The following MED14 variants were observed in gnomAD, a reference collection of about 807,000 sequenced individuals.
The protein encoded by MED14 is mediator complex subunit 14, also known as mediator of RNA polymerase II transcription subunit 14.
MED14 carries 8 observed loss-of-function variants against 109.0 expected under a neutral mutation model. The observed-to-expected ratio is 0.07, with a 90% CI of 0.04 to 0.13. MED14 has a LOEUF of 0.13. MED14 is among the 10% of genes least tolerant of loss of function. The pLI is 1.00. For synonymous variants in MED14, 399 were observed against 408.7 expected, an observed-to-expected ratio of 0.98 and a Z score of 0.29; for missense variants, 711 against 1,142.4, an observed-to-expected ratio of 0.62 and a Z score of 5.44.
At chrX:40,710,269 G>A in intron 8 of MED14, 140 bp from the exon 9 acceptor site, 1 of 369,564 alleles carries the variant, frequency 2.7e-6, no homozygotes, top group East Asian at 4.5e-5. Flanking sequence ...GAATAATAAT[G>A]GGAAGATAGC....
intron 16 of MED14, among the ~76,000 whole-genome samples, chrX:40,685,413 T>C (rs1930258928): frequency 8.9e-6 from 1 of 112,276 alleles, no homozygotes; most frequent in African/African-American, 3.2e-5. Context: ...GAGGTTTTTA[T>C]AAAGATTGCA....
intron 7 of MED14, 49 bp downstream of exon 7, chrX:40,712,137 G>T: frequency 1.1e-6 from 1 of 947,000 alleles, no homozygotes; most frequent in Non-Finnish European, 1.5e-6. Context: ...ATGTGGGAGA[G>T]GTACCACAAA....
At chrX:40,693,203 G>GA (rs772077175) in intron 13 of MED14, among the ~76,000 whole-genome samples, 2 of 111,243 alleles carry the variant, frequency 1.8e-5, no homozygotes, top group East Asian at 2.8e-4. Flanking sequence ...CTTATAAATT[G>GA]AAAAAAACAA....
At chrX:40,720,071 A>T (rs1338461343) in intron 3 of MED14, among the ~76,000 whole-genome samples, 1 of 112,083 alleles carries the variant, frequency 8.9e-6, no homozygotes, top group East Asian at 2.8e-4. Flanking sequence ...CCTGACATAA[A>T]CACATCTGTA....
At chrX:40,676,515 G>C (rs1929914445) in intron 21 of MED14, among the ~76,000 whole-genome samples, 2 of 112,012 alleles carry the variant, frequency 1.8e-5, no homozygotes, top group Non-Finnish European at 3.8e-5. Flanking sequence ...GTAAGCTGTG[G>C]GAAAAGCCAA....
intron 18 of MED14, 90 bp downstream of exon 18, chrX:40,682,513 G>T: frequency 1.3e-6 from 1 of 763,604 alleles, no homozygotes; most frequent in Non-Finnish European, 1.8e-6. Flanking sequence ...TTTTTGCTTG[G>T]AACACTGTGC....
chrX:40,735,846 G>A, upstream of MED14: 1 of 311,036 alleles, frequency 3.2e-6, no homozygotes, highest in South Asian at 2.9e-5. Flanking sequence ...GCGCGTGGGA[G>A]TGAGGCGGTA....
intron 10 of MED14, among the ~76,000 whole-genome samples, chrX:40,704,506 C>T (rs928998817): frequency 8.9e-6 from 1 of 111,960 alleles, no homozygotes. Context: ...TTTTGTCAAA[C>T]AAGGAAAATA....
chrX:40,682,499 GA>G, intron 18 of MED14, 103 bp downstream of exon 18: 6 of 654,567 alleles, frequency 9.2e-6, no homozygotes, highest in Non-Finnish European at 1.3e-5. Flanking sequence ...GATATACTTT[GA>G]TTTTTTTGCT....
intron 26 of MED14, 48 bp downstream of exon 26, chrX:40,662,877 A>G (rs1425241224): frequency 2.0e-6 from 2 of 1,012,365 alleles, no homozygotes; most frequent in South Asian, 2.1e-5. Flanking sequence ...ACAATTTAGC[A>G]TTTTACCCTT....
Position 40,692,177 on chromosome X carries a change from A to C in MED14, c.1980+6T>G, listed in dbSNP as rs1477494965. ...GGGGTATCCAGAACTGTTCCAAAAAACTTACCTCCAACCGAAGTCCTACAA... is the reference window on the plus strand; with the variant it reads ...GGGGTATCCAGAACTGTTCCAAAAACCTTACCTCCAACCGAAGTCCTACAA... On this transcript the variant is annotated splice_donor_region_variant and intron_variant, in intron 15 of 30. Coordinates refer to ENST00000324817, the MANE Select transcript of MED14 (RefSeq NM_004229.4). The C allele has an allele frequency of 8.3e-7, 1 of 1,207,755 alleles. No homozygotes were observed. Among genetic ancestry groups the C allele is most frequent in the Admixed American group, 2.2e-5 (1 of 45,399 alleles).
chrX:40,673,833 CG>C (rs1400752616), intron 22 of MED14, among the ~76,000 whole-genome samples: 1 of 52,939 alleles, frequency 1.9e-5, no homozygotes, highest in Non-Finnish European at 4.4e-5. Flanking sequence ...GCAACAAGAG[CG>C]AAACTCCATC....
chrX:40,683,559 G>A (rs1034888084), intron 16 of MED14, among the ~76,000 whole-genome samples: 2 of 112,048 alleles, frequency 1.8e-5, no homozygotes, highest in African/African-American at 6.5e-5. Flanking sequence ...TTTAAGAGAT[G>A]TTGTCTTGCT....
Position 40,709,445 on chromosome X carries a change from T to C in MED14, c.1188A>G (p.Ser396=), listed in dbSNP as rs1931257990. Residue 396 remains serine, a synonymous_variant, in exon 10 of 31, where the codon TCA becomes TCG. Coordinates refer to ENST00000324817, the MANE Select transcript of MED14 (RefSeq NM_004229.4). ...VERAMKIDHL[S]IEKLLIDSVH... Reference sequence around the variant, plus strand: ...CACTGTCAATCAGGAGTTTTTCTATTGATAAGTGGTCGATCTGCATAAATA... The same window carrying C: ...CACTGTCAATCAGGAGTTTTTCTATCGATAAGTGGTCGATCTGCATAAATA... 9.0e-7 allele frequency: 1 copy of C among 1,105,262 alleles called. No individual in the cohort carries two copies. Among genetic ancestry groups the C allele is most frequent in the Non-Finnish European group, 1.2e-6 (1 of 821,920 alleles). 91.1% of individuals were successfully genotyped at this position (1,105,262 alleles called of 1,213,427 possible).
chrX:40,727,326 AG>A (rs900393765), intron 2 of MED14, among the ~76,000 whole-genome samples: 2 of 111,850 alleles, frequency 1.8e-5, no homozygotes, highest in African/African-American at 6.5e-5. Context: ...ATTCTACAAA[AG>A]GGCACCAGTT....
At chrX:40,667,515 G>C (rs963750896) in intron 23 of MED14, among the ~76,000 whole-genome samples, 3 of 112,016 alleles carry the variant, frequency 2.7e-5, no homozygotes, top group Admixed American at 1.9e-4. Flanking sequence ...GTGAACGAGG[G>C]GGGCAGTGGG....
At chrX:40,699,484 T>C (rs748983252) in intron 12 of MED14, among the ~76,000 whole-genome samples, 2 of 112,248 alleles carry the variant, frequency 1.8e-5, no homozygotes, top group Admixed American at 1.9e-4. Context: ...CCACAAATCA[T>C]CTGAGAAACA....
At position 40,679,933 on chromosome X, in the gene MED14, C is replaced by T; in HGVS notation, c.2811G>A (p.Arg937=). Residue 937 remains arginine (R), a synonymous_variant, in exon 21 of 31, where the codon CGG becomes CGA. Transcript: ENST00000324817. ...TATCAAAAAGACTATAGGCACCATC[C>T]CGTATTGCCACAACACCTCGACTCC... ...YCRSRGVVAI[R]DGAYSLFDNS... 1 of 1,210,049 alleles carries T rather than the reference C, an allele frequency of 8.3e-7. No individual in the cohort carries two copies. The highest frequency in any genetic ancestry group is 1.7e-5 in the African/African-American group (1 of 57,721).
At chrX:40,714,732 T>C in intron 3 of MED14, 22 bp from the exon 4 acceptor site, 1 of 1,167,267 alleles carries the variant, frequency 8.6e-7, no homozygotes, top group Non-Finnish European at 1.2e-6. Context: ...AGGGTAAATG[T>C]ATTAAGCATC....
Sources: gnomAD v4.1 joint callset for allele counts (sites outside exome capture counted in the v4.1 genomes callset) on GRCh38, gnomAD v4.1.1 for gene constraint, MANE v1.5 for transcripts, NCBI Gene and HGNC (gene_info 2026-07-23, HGNC 2026-07-21) for gene names.